Variants in SLC5A11 observed in about 807,000 individuals in gnomAD.
SLC5A11 encodes the protein sodium/myo-inositol cotransporter 2.
Under a neutral mutation model 69.8 loss-of-function variants are expected in SLC5A11, and 48 were observed. The ratio of observed to expected loss-of-function variants is 0.69; its 90% CI spans 0.55 to 0.87. The LOEUF (loss-of-function observed/expected upper bound fraction) is 0.87. Ranked by LOEUF, SLC5A11 falls within the 40% of genes least tolerant of loss-of-function variation. The pLI, the probability that SLC5A11 is intolerant of heterozygous loss-of-function variation, is 0.00. For synonymous variants in SLC5A11, 319 were observed against 342.4 expected (o/e 0.93, Z 0.75); for missense variants, 784 against 866.1 (o/e 0.91, Z 1.19).
intron 1 of SLC5A11, among the ~76,000 whole-genome samples, chr16:24,857,430 A>C (rs2059583576): frequency 6.6e-6 from 1 of 152,184 alleles, no homozygotes. Flanking sequence ...AAAACAACAT[A>C]AATTTATGAC....
rs869162121 is a variant in SLC5A11 at position 24,849,594 on chromosome 16, AT to A, written c.-25+3157del. ...GGGCAAAAAAAAAAAAAAAAAAAAA[AT>A]ATATATATATATATATATATATATA... On this transcript the variant is annotated intron_variant, in intron 1 of 15. Transcript: ENST00000347898. 8.0e-3 allele frequency among the ~76,000 whole-genome samples: 433 copies of A among 53,872 alleles called. 10 individuals carry two copies. Among genetic ancestry groups the A allele is most frequent in the African/African-American group, 0.029 (341 of 11,744 alleles). The allele number at this position is 53,872 out of a possible 152,430, so 35.3% of individuals were successfully genotyped here. A position where few individuals can be genotyped will look rare whatever the true frequency, so the allele number is the denominator to read the frequency against.
intron 4 of SLC5A11, among the ~76,000 whole-genome samples, chr16:24,870,781 CAAAA>C (rs57742222): frequency 1.5e-5 from 1 of 66,544 alleles, no homozygotes; most frequent in Non-Finnish European, 2.7e-5. Context: ...CTCTGTCTCA[CAAAA>C]AAAAAAAAAA....
chr16:24,847,200 A>G (rs1478808223), intron 1 of SLC5A11, among the ~76,000 whole-genome samples: 1 of 84,738 alleles, frequency 1.2e-5, no homozygotes, highest in Non-Finnish European at 2.6e-5. Context: ...TCTTTCTTTT[A>G]TTTCTTTCCT....
intron 1 of SLC5A11, among the ~76,000 whole-genome samples, chr16:24,854,586 C>T (rs1286421765): frequency 1.3e-5 from 2 of 151,898 alleles, no homozygotes; most frequent in Non-Finnish European, 2.9e-5. Context: ...CATACCACCA[C>T]ACCCACCTAA....
chr16:24,875,591 G>A, intron 5 of SLC5A11, 36 bp from the exon 7 acceptor site: 2 of 1,579,470 alleles, frequency 1.3e-6, no homozygotes, highest in Non-Finnish European at 1.7e-6. Flanking sequence ...TGGTGGTGAA[G>A]TCCGCTGGTG....
intron 10 of SLC5A11, among the ~76,000 whole-genome samples, chr16:24,900,830 A>C (rs149983147): frequency 4.3e-4 from 65 of 151,762 alleles, no homozygotes; most frequent in African/African-American, 1.4e-3. Flanking sequence ...AGGCAGGAGA[A>C]TTGCTTGAGC....
intron 4 of SLC5A11, among the ~76,000 whole-genome samples, chr16:24,871,540 T>C (rs951401659): frequency 1.3e-5 from 2 of 152,142 alleles, no homozygotes; most frequent in African/African-American, 4.8e-5. Flanking sequence ...GCCAAAGTGC[T>C]GGGATTACAG....
chr16:24,895,725 C>T (rs2049116086), intron 9 of SLC5A11, among the ~76,000 whole-genome samples: 1 of 152,070 alleles, frequency 6.6e-6, no homozygotes, highest in Non-Finnish European at 1.5e-5. Flanking sequence ...GTCCTTGAAA[C>T]GTGTCCACCA....
At chr16:24,846,497 G>T (rs563566125) in intron 1 of SLC5A11, 59 bp downstream of exon 2, 45 of 152,978 alleles carry the variant, frequency 2.9e-4, no homozygotes, top group Non-Finnish European at 4.4e-4. Context: ...AGTTGGTCTG[G>T]GGACAGGTGC....
At chr16:24,907,209 G>C (rs34774948) in intron 12 of SLC5A11, 34 bp downstream of exon 13, 1 of 1,610,070 alleles carries the variant, frequency 6.2e-7, no homozygotes, top group African/African-American at 1.3e-5. Flanking sequence ...GGGGCAGGGG[G>C]AAGAGAGAGC....
At chr16:24,865,640 C>T (rs1341624885) in intron 3 of SLC5A11, among the ~76,000 whole-genome samples, 1 of 152,002 alleles carries the variant, frequency 6.6e-6, no homozygotes, top group Non-Finnish European at 1.5e-5. Context: ...AAGAAAAAGG[C>T]TACCAATCAA....
intron 11 of SLC5A11, 75 bp from the exon 13 acceptor site, chr16:24,906,950 C>T: frequency 6.4e-7 from 1 of 1,567,982 alleles, no homozygotes. Flanking sequence ...GTTCTGCCTC[C>T]TCCAGTTGAG....
At chr16:24,866,017 C>T (rs773762028) in intron 3 of SLC5A11, among the ~76,000 whole-genome samples, 1 of 149,724 alleles carries the variant, frequency 6.7e-6, no homozygotes, top group Non-Finnish European at 1.5e-5. Flanking sequence ...TCAGAGCAAT[C>T]ACTAAGAAAG....
chr16:24,886,624 AT>A (rs1478774441), intron 8 of SLC5A11, among the ~76,000 whole-genome samples: 2 of 152,210 alleles, frequency 1.3e-5, no homozygotes, highest in Non-Finnish European at 2.9e-5. Context: ...CTTAGGCAAA[AT>A]CGATGAACAA....
chr16:24,908,049 T>C lies in SLC5A11; in HGVS notation c.1352T>C (p.Ile451Thr), dbSNP rs747823295. 6.8e-6 allele frequency: 11 copies of C among 1,613,302 alleles called. No individual in the cohort carries two copies. In the East Asian group the frequency reaches 2.2e-4, roughly 33 times the overall value. The stretch of plus-strand genomic sequence containing the variant: ...CAGGGCGGCCAGCTCTTCATCTATA[T>C]CCAGTCCATCAGCTCCTACCTGCAG... Residue 451 changes from isoleucine (I) to threonine (T), a missense_variant, in exon 13 of 16, where the codon ATC becomes ACC. Ile to Thr is a moderately conservative substitution (Grantham distance 89). Transcript: ENST00000347898.
intron 3 of SLC5A11, 50 bp from the exon 5 acceptor site, chr16:24,869,851 A>G: frequency 7.6e-7 from 1 of 1,314,774 alleles, no homozygotes; most frequent in South Asian, 1.2e-5. Flanking sequence ...GGTGGGGAGC[A>G]GGTACCCTTG....
intron 1 of SLC5A11, among the ~76,000 whole-genome samples, chr16:24,848,661 A>G (rs537250058): frequency 9.9e-5 from 15 of 152,228 alleles, no homozygotes; most frequent in African/African-American, 3.6e-4. Flanking sequence ...GGTCCCACCT[A>G]CTTGGGAGAC....
intron 8 of SLC5A11, among the ~76,000 whole-genome samples, chr16:24,887,029 C>G (rs1292741314): frequency 9.9e-5 from 15 of 152,074 alleles, no homozygotes; most frequent in Admixed American, 9.8e-4. Flanking sequence ...ACAAACTGGT[C>G]TCATTCCCCT....
At chr16:24,857,072 G>A (rs1188629706) in intron 1 of SLC5A11, among the ~76,000 whole-genome samples, 4 of 152,252 alleles carry the variant, frequency 2.6e-5, no homozygotes, top group Middle Eastern at 3.4e-3. Flanking sequence ...CACTCACCTC[G>A]GCCTCCCGAA....
Sources: allele counts gnomAD v4.1 joint callset (sites outside exome capture counted in the v4.1 genomes callset), GRCh38; gene constraint gnomAD v4.1.1; transcripts MANE v1.5; gene names NCBI Gene and HGNC (gene_info 2026-07-23, HGNC 2026-07-21).